The following RIMS2 variants were observed in gnomAD, a reference collection of about 807,000 sequenced individuals.
RIMS2 encodes regulating synaptic membrane exocytosis 2.
Under a neutral mutation model 174.4 loss-of-function variants are expected in RIMS2, and 59 were observed. The observed-to-expected ratio is 0.34, with a 90% CI of 0.27 to 0.42. The LOEUF (loss-of-function observed/expected upper bound fraction) is 0.42, where lower values mean the gene tolerates loss of function less well. Ranked by LOEUF, RIMS2 falls within the 10% of genes least tolerant of loss-of-function variation. The pLI is 1.00. For synonymous variants in RIMS2, 606 were observed against 572.5 expected (o/e 1.06, Z -0.84); for missense variants, 1,620 against 1,666.3 (o/e 0.97, Z 0.48).
intron 1 of RIMS2, among the ~76,000 whole-genome samples, chr8:103,690,404 G>A (rs1358447463): frequency 6.6e-6 from 1 of 151,972 alleles, no homozygotes; most frequent in Non-Finnish European, 1.5e-5. Flanking sequence ...TGTAGTGAAG[G>A]TCAGTTTCTC....
intron 1 of RIMS2, among the ~76,000 whole-genome samples, chr8:103,676,793 G>C (rs2096820461): frequency 6.6e-6 from 1 of 151,976 alleles, no homozygotes; most frequent in African/African-American, 2.4e-5. Context: ...GAGTAGCCTG[G>C]CCAACATGGT....
At chr8:103,829,215 T>A (rs2098810747) in intron 3 of RIMS2, among the ~76,000 whole-genome samples, 1 of 151,774 alleles carries the variant, frequency 6.6e-6, no homozygotes, top group South Asian at 2.1e-4. Context: ...CCAGTCAGAA[T>A]GGCTATTATT....
chr8:104,093,966 A>G (rs2097709124), intron 19 of RIMS2, among the ~76,000 whole-genome samples: 1 of 151,916 alleles, frequency 6.6e-6, no homozygotes, highest in South Asian at 2.1e-4. Context: ...TGAATTTTTC[A>G]TGTTCCAAGG....
At chr8:104,032,954 ATATAAT>A (rs1394027264) in intron 19 of RIMS2, among the ~76,000 whole-genome samples, 14 of 151,996 alleles carry the variant, frequency 9.2e-5, no homozygotes, top group Non-Finnish European at 7.4e-5. Context: ...CATAATTTAA[ATATAAT>A]TATAATAATG....
chr8:104,012,908 C>G (rs952548888), intron 17 of RIMS2, among the ~76,000 whole-genome samples: 1 of 152,116 alleles, frequency 6.6e-6, no homozygotes, highest in African/African-American at 2.4e-5. Context: ...TCTTGTGGAT[C>G]AGGTTTAAAT....
At chr8:103,908,741 C>G (rs2075046289) in intron 4 of RIMS2, among the ~76,000 whole-genome samples, 1 of 152,234 alleles carries the variant, frequency 6.6e-6, no homozygotes, top group East Asian at 1.9e-4. Context: ...CCATAATTAC[C>G]TTTCCCAAGG....
chr8:103,626,396 A>C (rs928144536), intron 1 of RIMS2, among the ~76,000 whole-genome samples: 1 of 152,226 alleles, frequency 6.6e-6, no homozygotes, highest in Non-Finnish European at 1.5e-5. Context: ...TACTAGCAGC[A>C]GTCAAGAAAG....
intron 17 of RIMS2, among the ~76,000 whole-genome samples, chr8:104,000,187 C>T (rs1185018565): frequency 1.3e-5 from 2 of 151,024 alleles, no homozygotes; most frequent in Admixed American, 6.6e-5. Context: ...ATTAACCAAC[C>T]CCTCTTCATC....
chr8:103,942,653 C>A, intron 13 of RIMS2, 120 bp from the exon 16 acceptor site: 3 of 701,826 alleles, frequency 4.3e-6, no homozygotes, highest in South Asian at 3.1e-5. Flanking sequence ...TCTAAATGAC[C>A]TTGTTTTTCA....
At chr8:103,527,471 A>G (rs909075062) in intron 1 of RIMS2, among the ~76,000 whole-genome samples, 7 of 152,052 alleles carry the variant, frequency 4.6e-5, no homozygotes, top group African/African-American at 1.7e-4. Flanking sequence ...TACATGTGCC[A>G]TGTTGGTGTG....
At chr8:104,035,168 G>A (rs2096488292) in intron 19 of RIMS2, among the ~76,000 whole-genome samples, 1 of 151,946 alleles carries the variant, frequency 6.6e-6, no homozygotes, top group African/African-American at 2.4e-5. Context: ...CTACATCTAG[G>A]AAAATCTTGA....
chr8:103,952,430 G>A (rs950843173), intron 14 of RIMS2, among the ~76,000 whole-genome samples: 2 of 152,132 alleles, frequency 1.3e-5, no homozygotes, highest in African/African-American at 2.4e-5. Context: ...ATCAATCTTC[G>A]CTGATCTGCA....
chr8:103,810,057 C>T, intron 3 of RIMS2, among the ~76,000 whole-genome samples: 1 of 152,126 alleles, frequency 6.6e-6, no homozygotes. Flanking sequence ...CCCTTATGTC[C>T]TCTTCTTGAA....
At chr8:103,906,427 T>C (rs563815604) in intron 4 of RIMS2, among the ~76,000 whole-genome samples, 4 of 152,012 alleles carry the variant, frequency 2.6e-5, no homozygotes, top group Admixed American at 2.6e-4. Flanking sequence ...CGTATTTTTA[T>C]TAGAGATGGA....
chr8:103,611,406 G>A (rs1199871249), intron 1 of RIMS2, among the ~76,000 whole-genome samples: 1 of 152,030 alleles, frequency 6.6e-6, no homozygotes, highest in African/African-American at 2.4e-5. Flanking sequence ...TGAGTTTTGT[G>A]TTTTCAGATG....
At chr8:103,853,726 T>G (rs1196759428) in intron 3 of RIMS2, among the ~76,000 whole-genome samples, 1 of 152,192 alleles carries the variant, frequency 6.6e-6, no homozygotes, top group Non-Finnish European at 1.5e-5. Context: ...TTTTATTTTC[T>G]GTTCCATTGG....
chr8:103,856,548 G>A (rs894110241), intron 3 of RIMS2, among the ~76,000 whole-genome samples: 1 of 152,176 alleles, frequency 6.6e-6, no homozygotes, highest in Non-Finnish European at 1.5e-5. Flanking sequence ...AATTTGTCAA[G>A]AAAAAGTTCA....
intron 1 of RIMS2, among the ~76,000 whole-genome samples, chr8:103,556,212 G>T (rs1423366778): frequency 2.0e-5 from 3 of 152,088 alleles, no homozygotes; most frequent in African/African-American, 7.2e-5. Context: ...CACAAAAAAT[G>T]ATATATGAGG....
At chr8:103,552,157 CA>C (rs907358117) in intron 1 of RIMS2, among the ~76,000 whole-genome samples, 15 of 151,822 alleles carry the variant, frequency 9.9e-5, no homozygotes, top group African/African-American at 3.1e-4. Flanking sequence ...TATCCTAAGC[CA>C]AAAAAACAAA....
Sources: allele counts gnomAD v4.1 joint callset (sites outside exome capture counted in the v4.1 genomes callset), GRCh38; gene constraint gnomAD v4.1.1; transcripts MANE v1.5; gene names NCBI Gene and HGNC (gene_info 2026-07-23, HGNC 2026-07-21).